The following CHST11 variants were observed in gnomAD, a reference collection of about 807,000 sequenced individuals.
CHST11 encodes the protein carbohydrate sulfotransferase 11.
In CHST11, 9 loss-of-function variants were observed where a neutral mutation model predicts 30.4. The observed-to-expected ratio is 0.30, with a 90% CI of 0.18 to 0.52. The LOEUF is 0.52. Ranked by LOEUF, CHST11 falls within the 20% of genes least tolerant of loss-of-function variation. The pLI is 0.97. For missense variants in CHST11, 348 were observed against 460.6 expected (o/e 0.76, Z 2.24); for synonymous variants, 152 against 187.8 (o/e 0.81, Z 1.56).
intron 2 of CHST11, among the ~76,000 whole-genome samples, chr12:104,697,134 G>A (rs1465808849): frequency 6.6e-6 from 1 of 152,216 alleles, no homozygotes; most frequent in Non-Finnish European, 1.5e-5. Flanking sequence ...CCTATAGTGT[G>A]TGTCTCAGGA....
At chr12:104,507,396 A>G (rs1013842192) in intron 1 of CHST11, among the ~76,000 whole-genome samples, 3 of 152,210 alleles carry the variant, frequency 2.0e-5, no homozygotes, top group Non-Finnish European at 4.4e-5. Flanking sequence ...GTTTTAACAC[A>G]TGAAAATGGC....
intron 1 of CHST11, among the ~76,000 whole-genome samples, chr12:104,463,444 C>A (rs757194316): frequency 2.6e-5 from 4 of 152,146 alleles, no homozygotes; most frequent in Non-Finnish European, 2.9e-5. Context: ...TTGAAACTTA[C>A]AAGCAGACTT....
intron 2 of CHST11, among the ~76,000 whole-genome samples, chr12:104,624,066 T>C (rs1395971394): frequency 6.6e-6 from 1 of 152,038 alleles, no homozygotes; most frequent in Non-Finnish European, 1.5e-5. Flanking sequence ...AGGGAAGGTA[T>C]GTGGAAAATG....
At chr12:104,575,449 T>G (rs922050220) in intron 1 of CHST11, among the ~76,000 whole-genome samples, 5 of 151,888 alleles carry the variant, frequency 3.3e-5, no homozygotes, top group African/African-American at 7.3e-5. Context: ...GAGGAAGACA[T>G]GAAAGGTAGT....
At chr12:104,672,804 C>T (rs907739654) in intron 2 of CHST11, among the ~76,000 whole-genome samples, 6 of 152,240 alleles carry the variant, frequency 3.9e-5, no homozygotes, top group Admixed American at 1.3e-4. Flanking sequence ...ACATGCCTCC[C>T]GCATGGCACC....
At chr12:104,625,081 A>G (rs751166041) in intron 2 of CHST11, among the ~76,000 whole-genome samples, 6 of 152,232 alleles carry the variant, frequency 3.9e-5, no homozygotes, top group Non-Finnish European at 8.8e-5. Flanking sequence ...ACCTCATTCC[A>G]TAACACCAGG....
chr12:104,521,261 T>G (rs2038071361), intron 1 of CHST11, among the ~76,000 whole-genome samples: 1 of 152,222 alleles, frequency 6.6e-6, no homozygotes, highest in Non-Finnish European at 1.5e-5. Context: ...TATTTTCTCC[T>G]TATCTGCATG....
chr12:104,669,428 T>C (rs972374159), intron 2 of CHST11, among the ~76,000 whole-genome samples: 1 of 151,650 alleles, frequency 6.6e-6, no homozygotes, highest in Non-Finnish European at 1.5e-5. Flanking sequence ...TGATTTTTTT[T>C]CCCCCTTGAA....
chr12:104,463,917 G>A lies in CHST11; in HGVS notation c.118+6388G>A, dbSNP rs142897959. 3.3e-3 allele frequency among the ~76,000 whole-genome samples: 503 copies of A among 152,202 alleles called. 3 individuals are homozygous for A. The highest frequency in any genetic ancestry group is 0.011 in the African/African-American group (475 of 41,524). ...CAACCACAGTGGGGAGAGACAAGTC[G>A]GAGAGAGACAATTGTTTTGAGCCTT... On this transcript the variant is annotated intron_variant, in intron 1 of 2. Coordinates refer to ENST00000303694, the MANE Select transcript of CHST11 (RefSeq NM_018413.6).
chr12:104,553,954 A>G (rs1218291015), intron 1 of CHST11, among the ~76,000 whole-genome samples: 1 of 152,150 alleles, frequency 6.6e-6, no homozygotes, highest in Non-Finnish European at 1.5e-5. Context: ...GGGTCTCATC[A>G]GAAGGCTTGA....
chr12:104,631,907 C>G (rs929836810), intron 2 of CHST11, among the ~76,000 whole-genome samples: 4 of 152,220 alleles, frequency 2.6e-5, no homozygotes, highest in African/African-American at 4.8e-5. Flanking sequence ...CCCCCTTATT[C>G]AGTCCCTTGC....
chr12:104,647,654 C>T (rs2136079703), intron 2 of CHST11, among the ~76,000 whole-genome samples: 1 of 151,958 alleles, frequency 6.6e-6, no homozygotes, highest in East Asian at 1.9e-4. Context: ...GTGATATTTC[C>T]ATATATATAT....
intron 2 of CHST11, among the ~76,000 whole-genome samples, chr12:104,636,484 G>A (rs1236353892): frequency 1.3e-5 from 2 of 152,204 alleles, no homozygotes; most frequent in African/African-American, 4.8e-5. Context: ...CTTTAGGTGC[G>A]CTCTGGTACC....
rs1592811723 is a variant in CHST11 at position 104,642,411 on chromosome 12, T to A, written c.204+40420T>A. ...TTTTTACAAATTAATTTGATTTTTT[T>A]AAATTTTGAGACAAGGTCTTGCTGT... On this transcript the variant is annotated intron_variant, in intron 2 of 2. Coordinates refer to ENST00000303694, the MANE Select transcript of CHST11 (RefSeq NM_018413.6). 2.6e-5 allele frequency among the ~76,000 whole-genome samples: 4 copies of A among 152,348 alleles called. No individual in the cohort carries two copies. In the South Asian group the frequency reaches 6.2e-4, roughly 24 times the overall value.
chr12:104,681,368 G>A (rs2039793613), intron 2 of CHST11, among the ~76,000 whole-genome samples: 2 of 152,236 alleles, frequency 1.3e-5, no homozygotes, highest in African/African-American at 4.8e-5. Context: ...TTCTATTAAT[G>A]TGAAAGTTCC....
chr12:104,570,882 A>C (rs7961967), intron 1 of CHST11, among the ~76,000 whole-genome samples: 2 of 151,478 alleles, frequency 1.3e-5, no homozygotes, highest in African/African-American at 4.9e-5. Context: ...GTAGAGACGG[A>C]GTTTCGCCAT....
chr12:104,625,212 A>G (rs867968679), intron 2 of CHST11, among the ~76,000 whole-genome samples: 1 of 152,204 alleles, frequency 6.6e-6, no homozygotes, highest in Non-Finnish European at 1.5e-5. Flanking sequence ...GAGATGCCCC[A>G]GTGTTCTAGA....
chr12:104,634,891 G>T (rs576383061), intron 2 of CHST11, among the ~76,000 whole-genome samples: 1 of 152,260 alleles, frequency 6.6e-6, no homozygotes, highest in East Asian at 1.9e-4. Context: ...TCCTGGGGTT[G>T]TCCATTTGGC....
rs1314364143 is a variant in CHST11, at chr12:104,527,935, A to G, written c.118+70406A>G. The stretch of plus-strand genomic sequence containing the variant: ...CCACACTTTACAACCATCAGATCTC[A>G]TGAGAATTCACTCAGTATCACGAGA... On this transcript the variant is annotated intron_variant, in intron 1 of 2. Coordinates refer to ENST00000303694, the MANE Select transcript of CHST11 (RefSeq NM_018413.6). 2.6e-5 allele frequency among the ~76,000 whole-genome samples: 4 copies of G among 152,068 alleles called. No homozygotes were observed. The East Asian group carries it at 5.8e-4, about 22-fold the overall frequency.
Sources: allele counts gnomAD v4.1 joint callset (sites outside exome capture counted in the v4.1 genomes callset), GRCh38; gene constraint gnomAD v4.1.1; transcripts MANE v1.5; gene names NCBI Gene and HGNC (gene_info 2026-07-23, HGNC 2026-07-21).